WDR20: variants seen among roughly 807,000 people sequenced by gnomAD.
WDR20 encodes WD repeat-containing protein 20.
A neutral mutation model predicts 38.7 loss-of-function variants in WDR20; 3 were observed. The ratio of observed to expected loss-of-function variants is 0.08; its 90% CI spans 0.04 to 0.20. WDR20 has a LOEUF of 0.20. Ranked by LOEUF, WDR20 falls within the 10% of genes least tolerant of loss-of-function variation. The pLI, the probability that WDR20 is intolerant of heterozygous loss-of-function variation, is 1.00. For missense variants in WDR20, 559 were observed against 727.7 expected (o/e 0.77, Z 2.67); for synonymous variants, 298 against 285.6 (o/e 1.04, Z -0.44).
intron 1 of WDR20, among the ~76,000 whole-genome samples, chr14:102,151,882 G>A (rs1360686808): frequency 2.6e-5 from 4 of 151,486 alleles, no homozygotes; most frequent in African/African-American, 7.3e-5. Context: ...TGAGTCTATA[G>A]GAGCATGCTA....
intron 1 of WDR20, among the ~76,000 whole-genome samples, chr14:102,167,200 T>C (rs1257634348): frequency 6.6e-6 from 1 of 152,166 alleles, no homozygotes; most frequent in Admixed American, 6.5e-5. Context: ...TTTTTTGACA[T>C]AGATTCTTCT....
intron 1 of WDR20, among the ~76,000 whole-genome samples, chr14:102,166,438 A>G (rs911609535): frequency 5.3e-5 from 8 of 152,146 alleles, no homozygotes; most frequent in Non-Finnish European, 1.2e-4. Context: ...AAGGTGACAT[A>G]TATCTGTGCA....
rs2063928210 is a variant in WDR20, at chr14:102,221,795, T to C, written c.1693-1035T>C. Among the ~76,000 whole-genome samples, 1 of 152,156 alleles carries C rather than the reference T, an allele frequency of 6.6e-6. No individual in the cohort carries two copies. The highest frequency in any genetic ancestry group is 2.4e-5 in the African/African-American group (1 of 41,406). ...CACACAAGTCCAATATGTGAGAAGG[T>C]AGCAATGTCAGCTTGAGTTAAAGGC... On this transcript the variant is annotated intron_variant, in intron 3 of 3. Coordinates refer to the WDR20 transcript ENST00000335263. This position sits in a 1 kb window ranked among gnomAD's most constrained non-coding sequence, Gnocchi z 4.8.
chr14:102,220,719 C>A lies in WDR20; in HGVS notation c.1693-2111C>A, dbSNP rs1314918532. Among the ~76,000 whole-genome samples, 22 of 111,660 alleles carry A rather than the reference C, an allele frequency of 2.0e-4. No homozygotes were observed. The highest frequency in any genetic ancestry group is 3.7e-4 in the Admixed American group (4 of 10,942). The allele number at this position is 111,660 out of a possible 152,430, so 73.3% of individuals were successfully genotyped here. A position where few individuals can be genotyped will look rare whatever the true frequency, so the allele number is the denominator to read the frequency against. On this transcript the variant is annotated intron_variant, in intron 3 of 3. Transcript: ENST00000335263. The surrounding 1 kb of genome is among the most constrained non-coding windows in gnomAD (Gnocchi z 4.2). ...TGGACAACAAAGTGAGACTCCGTCT[C>A]AAAAAAAAAAAAAAAAAAGAAAATA...
At position 102,221,117 on chromosome 14, in the gene WDR20, G is replaced by A. The variant is rs1484291134; in HGVS notation, c.1693-1713G>A. ...GGACTGGTAGAGACACCACCTTCCT[G>A]TGGGTGGGGCTGCCTCCTACCTGGA... On this transcript the variant is annotated intron_variant, in intron 3 of 3. Transcript: ENST00000335263. The surrounding 1 kb of genome is among the most constrained non-coding windows in gnomAD (Gnocchi z 4.8). 6.6e-6 allele frequency among the ~76,000 whole-genome samples: 1 copy of A among 152,220 alleles called. No homozygotes were observed. Among genetic ancestry groups the A allele is most frequent in the Non-Finnish European group, 1.5e-5 (1 of 68,044 alleles).
At chr14:102,215,942 A>G (rs1297220742), downstream of WDR20, among the ~76,000 whole-genome samples, 2 of 152,162 alleles carry the variant, frequency 1.3e-5, no homozygotes, top group Non-Finnish European at 2.9e-5. Flanking sequence ...GTGATGAGTG[A>G]GGGCGAGCTG....
intron 1 of WDR20, among the ~76,000 whole-genome samples, chr14:102,144,744 C>T (rs537755052): frequency 6.6e-6 from 1 of 151,194 alleles, no homozygotes; most frequent in East Asian, 2.0e-4. Context: ...TGCTCTGTTG[C>T]CCAGGCTGGA....
chr14:102,200,470 TGTGTGTGTGTGTGTGTG>T (rs2060200317), intron 2 of WDR20, among the ~76,000 whole-genome samples: 2 of 78,788 alleles, frequency 2.5e-5, no homozygotes, highest in Non-Finnish European at 5.1e-5. Flanking sequence ...TTTTTTTTTG[TGTGTGTGTGTGTGTGTG>T]TGTGTGTGTG....
intron 2 of WDR20, among the ~76,000 whole-genome samples, chr14:102,199,657 G>A (rs771521696): frequency 4.9e-4 from 74 of 152,096 alleles, no homozygotes; most frequent in Non-Finnish European, 8.2e-4. Context: ...AGTTACTCTG[G>A]CCTTTGCCTC....
At chr14:102,159,025 C>G (rs1271078500) in intron 1 of WDR20, among the ~76,000 whole-genome samples, 1 of 152,152 alleles carries the variant, frequency 6.6e-6, no homozygotes, top group East Asian at 1.9e-4. Flanking sequence ...TCACCGCAAC[C>G]TTTAACTCCT....
intron 1 of WDR20, among the ~76,000 whole-genome samples, chr14:102,170,229 C>T (rs1277980712): frequency 6.6e-6 from 1 of 152,110 alleles, no homozygotes; most frequent in African/African-American, 2.4e-5. Context: ...GTACATTTAT[C>T]ATAATTCTTC....
chr14:102,158,736 A>G (rs1275639979), intron 1 of WDR20, among the ~76,000 whole-genome samples: 1 of 152,038 alleles, frequency 6.6e-6, no homozygotes, highest in African/African-American at 2.4e-5. Context: ...TTCTACCCTC[A>G]CATCTCAGCT....
At chr14:102,211,148 A>G (rs2062472946), downstream of WDR20, among the ~76,000 whole-genome samples, 2 of 152,168 alleles carry the variant, frequency 1.3e-5, no homozygotes, top group African/African-American at 2.4e-5. This position sits in a 1 kb window ranked among gnomAD's most constrained non-coding sequence, Gnocchi z 4.2. Flanking sequence ...AGTGGGTGAG[A>G]TGGCCCCTTG....
At chr14:102,163,871 G>T (rs894965325) in intron 1 of WDR20, among the ~76,000 whole-genome samples, 1 of 152,082 alleles carries the variant, frequency 6.6e-6, no homozygotes, top group Non-Finnish European at 1.5e-5. Flanking sequence ...TGGCTTTGCT[G>T]CTGTCTCTAC....
intron 1 of WDR20, chr14:102,193,655 G>A: frequency 1.4e-6 from 1 of 693,878 alleles, no homozygotes; most frequent in Non-Finnish European, 2.3e-6. Flanking sequence ...TAATTTTGAG[G>A]TCCTCTTTTC....
chr14:102,176,774 C>T (rs999875559), intron 1 of WDR20, among the ~76,000 whole-genome samples: 1 of 151,784 alleles, frequency 6.6e-6, no homozygotes, highest in African/African-American at 2.4e-5. Context: ...TGCTCTGTCT[C>T]CCAGGCTGGA....
At chr14:102,154,247 G>C (rs1371200942) in intron 1 of WDR20, among the ~76,000 whole-genome samples, 1 of 152,202 alleles carries the variant, frequency 6.6e-6, no homozygotes, top group African/African-American at 2.4e-5. Context: ...CATAGATTAG[G>C]TAGCCTGTAA....
At chr14:102,164,133 A>T (rs1482015898) in intron 1 of WDR20, among the ~76,000 whole-genome samples, 1 of 152,166 alleles carries the variant, frequency 6.6e-6, no homozygotes, top group Non-Finnish European at 1.5e-5. Flanking sequence ...ATACACTGGA[A>T]GTGCCACATT....
chr14:102,193,778 A>G (rs1189890460), intron 1 of WDR20, among the ~76,000 whole-genome samples: 3 of 152,186 alleles, frequency 2.0e-5, no homozygotes, highest in Non-Finnish European at 4.4e-5. Flanking sequence ...CGGTCAGTAG[A>G]GAACTAGAGC....
Sources: allele counts gnomAD v4.1 joint callset (sites outside exome capture counted in the v4.1 genomes callset), GRCh38; gene constraint gnomAD v4.1.1; non-coding constraint Gnocchi (gnomAD v3.1); transcripts MANE v1.5; gene names NCBI Gene and HGNC (gene_info 2026-07-23, HGNC 2026-07-21).